OCEL1: variants seen among roughly 807,000 people sequenced by gnomAD.
OCEL1 encodes occludin/ELL domain containing 1.
In OCEL1, 24 loss-of-function variants were observed where a neutral mutation model predicts 29.4. That is an observed-to-expected ratio of 0.82 (90% confidence interval 0.59 to 1.15). The LOEUF (loss-of-function observed/expected upper bound fraction) is 1.15. Ranked by LOEUF, OCEL1 falls within the 50% of genes most tolerant of loss-of-function variation. The pLI is 0.00. For synonymous variants in OCEL1, 172 were observed against 145.3 expected (o/e 1.18, Z -1.32); for missense variants, 402 against 352.5 (o/e 1.14, Z -1.13).
At position 17,226,269 on chromosome 19, in the gene OCEL1, G is replaced by A; in HGVS notation, c.22G>A (p.Ala8Thr). Residue 8 changes from alanine to threonine, a missense_variant, in exon 1 of 6, where the codon GCC (alanine) becomes ACC (threonine). By Grantham distance (58) the Ala-to-Thr change is moderately conservative (BLOSUM62 0). Coordinates refer to ENST00000215061, the MANE Select transcript of OCEL1 (RefSeq NM_024578.3). Reference protein sequence around the residue: MHNPDGSASPTADPGSEL... With the variant: MHNPDGSTSPTADPGSEL... ...GTAAATGCACAACCCGGACGGAAGT[G>A]CCTCTCCGACAGCAGATCCAGGCTC... The A allele has an allele frequency of 1.9e-6, 3 of 1,612,234 alleles. No individual in the cohort carries two copies. Among genetic ancestry groups the A allele is most frequent in the Non-Finnish European group, 2.5e-6 (3 of 1,179,508 alleles).
rs370272692 is a variant in OCEL1, at chr19:17,227,877, C to T, written c.490C>T (p.Arg164Cys). The change falls in exon 4 of 6, where the codon CGC becomes TGC. Residue 164 changes from arginine to cysteine, a missense_variant. By Grantham distance (180) the Arg-to-Cys change is radical. Coordinates refer to ENST00000215061, the MANE Select transcript of OCEL1 (RefSeq NM_024578.3). ...PPVSSERERS[R>C]YVAVFQDQYG... is the part of the protein sequence containing the mutation. ...AGTGAGCAGTGAGAGGGAACGGAGC[C>T]GCTATGTCGCAGTGTTCCAGGACCA... 2.2e-5 allele frequency: 36 copies of T among 1,613,776 alleles called. No homozygotes were observed. In the African/African-American group the frequency reaches 3.7e-4, roughly 17 times the overall value.
Position 17,227,866 on chromosome 19 carries a change from G to A in OCEL1, c.479G>A (p.Arg160Lys). Reference protein sequence around the residue: ...ELKYPPVSSERERSRYVAVFQ... With the variant: ...ELKYPPVSSEKERSRYVAVFQ... ...AAGTACCCGCCAGTGAGCAGTGAGAGGGAACGGAGCCGCTATGTCGCAGTG... is the reference window on the plus strand; with the variant it reads ...AAGTACCCGCCAGTGAGCAGTGAGAAGGAACGGAGCCGCTATGTCGCAGTG... Residue 160 changes from arginine to lysine, a missense_variant, in exon 4 of 6, where the codon AGG becomes AAG. By Grantham distance (26) the Arg-to-Lys change is conservative. Coordinates refer to ENST00000215061, the MANE Select transcript of OCEL1 (RefSeq NM_024578.3). 3 of 1,613,930 alleles carry A rather than the reference G, an allele frequency of 1.9e-6. No individual in the cohort carries two copies. Among genetic ancestry groups the A allele is most frequent in the Non-Finnish European group, 2.5e-6 (3 of 1,180,012 alleles).
chr19:17,228,890 G>A lies in OCEL1; in HGVS notation c.760G>A (p.Asp254Asn), dbSNP rs116707975. 7.5e-5 allele frequency: 121 copies of A among 1,613,632 alleles called. 1 individual carries two copies. The African/African-American group carries it at 1.5e-3, about 20-fold the overall frequency. The change falls in exon 6 of 6, where the codon GAC becomes AAC. Residue 254 changes from aspartate (D) to asparagine (N), a missense_variant. By Grantham distance (23) the Asp-to-Asn change is conservative. Coordinates refer to ENST00000215061, the MANE Select transcript of OCEL1 (RefSeq NM_024578.3). ...HLKTQIQKFD[D>N]QGDSEGSVYF ...CAAGACTCAGATCCAGAAATTCGAT[G>A]ACCAAGGAGACAGCGAGGGCTCCGT... is the stretch of plus-strand genomic sequence containing the variant.
In OCEL1 at chr19:17,226,578, T is replaced by A. The variant is rs973072220; in HGVS notation, c.70-115T>A. ...GTGCGTCTATGCAAATAGCGGTCGT[T>A]CTGGGGAACTCTGCTCCCGCGGGGT... is the stretch of plus-strand genomic sequence containing the variant. On this transcript the variant is annotated intron_variant, in intron 1 of 5. Transcript: ENST00000215061. 5.9e-6 allele frequency: 7 copies of A among 1,189,034 alleles called. No individual in the cohort carries two copies. In the Admixed American group the frequency reaches 2.1e-4, roughly 35 times the overall value. The allele number at this position is 1,189,034 out of a possible 1,614,324, so 73.7% of individuals were successfully genotyped here.
chr19:17,228,978 T>C lies in OCEL1; in HGVS notation c.*53T>C. On this transcript the variant is annotated 3_prime_UTR_variant, in exon 6 of 6. Coordinates refer to ENST00000215061, the MANE Select transcript of OCEL1 (RefSeq NM_024578.3). ...CATGGGGATGCAGGTCCCTTGCATT[T>C]CTTGGTATCTCTCAGCTTTTCCTCT... The C allele has an allele frequency of 6.3e-7, 1 of 1,578,512 alleles. No homozygotes were observed. Among genetic ancestry groups the C allele is most frequent in the Non-Finnish European group, 8.6e-7 (1 of 1,161,278 alleles).
chr19:17,226,475 G>C (rs892210889), intron 1 of OCEL1, 159 bp downstream of exon 1: 3 of 971,656 alleles, frequency 3.1e-6, no homozygotes, highest in Non-Finnish European at 3.0e-6. Context: ...GCGCGGCGAC[G>C]TCAGAGTTCA....
chr19:17,226,849 C>G lies in OCEL1; in HGVS notation c.226C>G (p.Pro76Ala). Residue 76 changes from proline (P) to alanine (A), a missense_variant, in exon 2 of 6, where the codon CCG becomes GCG. Pro to Ala is a conservative substitution (Grantham distance 27). Coordinates refer to ENST00000215061, the MANE Select transcript of OCEL1 (RefSeq NM_024578.3). ...CTCCCGGGGGCACCTGCATACTCAC[C>G]CGCCTGGGCCTGGGCCCCCGGTGAG... is the stretch of plus-strand genomic sequence containing the variant. ...RGSRGHLHTH[P>A]PGPGPPLQGL... The G allele has an allele frequency of 6.5e-7, 1 of 1,547,578 alleles. No homozygotes were observed. Among genetic ancestry groups the G allele is most frequent in the South Asian group, 1.2e-5 (1 of 82,022 alleles).
chr19:17,226,753 T>G lies in OCEL1; in HGVS notation c.130T>G (p.Ser44Ala), dbSNP rs1414483637. The change falls in exon 2 of 6, where the codon TCA (serine) becomes GCA (alanine). Residue 44 changes from serine to alanine, a missense_variant. Transcript: ENST00000215061. Reference sequence around the variant, plus strand: ...CGACGCCCCCCGCAGGACCCGCCCATCAGCCCGGAAACCCCTGAGCTGCTT... The same window carrying G: ...CGACGCCCCCCGCAGGACCCGCCCAGCAGCCCGGAAACCCCTGAGCTGCTT... Reference protein sequence around the residue: ...GHDAPRRTRPSARKPLSCFSR... With the variant: ...GHDAPRRTRPAARKPLSCFSR... 5.1e-6 allele frequency: 8 copies of G among 1,578,548 alleles called. No homozygotes were observed. Among genetic ancestry groups the G allele is most frequent in the Middle Eastern group, 3.8e-4 (2 of 5,292 alleles).
At chr19:17,228,062 C>T in intron 4 of OCEL1, 57 bp downstream of exon 4, 1 of 1,588,064 alleles carries the variant, frequency 6.3e-7, no homozygotes, top group South Asian at 1.1e-5. Context: ...CCGACCCAAG[C>T]CTCTGGGACA....
At chr19:17,227,274 A>C in intron 3 of OCEL1, 75 bp downstream of exon 3, 1 of 1,316,948 alleles carries the variant, frequency 7.6e-7, no homozygotes, top group Non-Finnish European at 1.0e-6. Flanking sequence ...TGATAGTTGA[A>C]TAAGAGTTTA....
chr19:17,228,251 T>C lies in OCEL1; in HGVS notation c.619-5T>C, dbSNP rs751503942. 4 of 1,614,044 alleles carry C rather than the reference T, an allele frequency of 2.5e-6. No individual in the cohort carries two copies. The highest frequency in any genetic ancestry group is 3.4e-6 in the Non-Finnish European group (4 of 1,180,004). On this transcript the variant is annotated splice_polypyrimidine_tract_variant and splice_region_variant and intron_variant, in intron 4 of 5. Coordinates refer to ENST00000215061, the MANE Select transcript of OCEL1 (RefSeq NM_024578.3). ...TAAACCCCCTTTCTACTCCTCCCCT[T>C]GCAGAAGGAGGCCCAAGTTGCAGCC...
intron 4 of OCEL1, 22 bp from the exon 5 acceptor site, chr19:17,228,234 C>G: frequency 1.2e-6 from 2 of 1,613,944 alleles, no homozygotes; most frequent in African/African-American, 1.3e-5. Context: ...CCTAAACCCC[C>G]TTTCTACTCC....
Position 17,228,853 on chromosome 19 carries a change from A to G in OCEL1, c.723A>G (p.Lys241=), listed in dbSNP as rs755123329. The G allele has an allele frequency of 2.2e-5, 35 of 1,613,798 alleles. No homozygotes were observed. Among genetic ancestry groups the G allele is most frequent in the Non-Finnish European group, 2.8e-5 (33 of 1,179,950 alleles). Residue 241 remains lysine (K), a synonymous_variant, in exon 6 of 6, where the codon AAA becomes AAG. Coordinates refer to ENST00000215061, the MANE Select transcript of OCEL1 (RefSeq NM_024578.3). The part of the protein sequence containing the change: ...KQARCHYLKG[K]LRHLKTQIQK... ...CTCGCTGCCACTACCTGAAGGGTAA[A>G]CTGAGGCATCTCAAGACTCAGATCC... is the stretch of plus-strand genomic sequence containing the variant.
At position 17,228,941 on chromosome 19, in the gene OCEL1, G is replaced by A. The variant is rs954810077; in HGVS notation, c.*16G>A. 2 of 1,608,864 alleles carry A rather than the reference G, an allele frequency of 1.2e-6. No individual in the cohort carries two copies. The highest frequency in any genetic ancestry group is 2.7e-5 in the African/African-American group (2 of 74,842). On this transcript the variant is annotated 3_prime_UTR_variant, in exon 6 of 6. Transcript: ENST00000215061. The stretch of plus-strand genomic sequence containing the variant: ...GTACTTCTAAGTGCCCCTGCAGATG[G>A]GCAGAGGGATGCATGGGGATGCAGG...
Position 17,226,293 on chromosome 19 carries a change from T to C in OCEL1, c.46T>C (p.Ser16Pro), listed in dbSNP as rs1218606080. ...GSASPTADPG[S>P]ELQTLGQAAR... ...TGCCTCTCCGACAGCAGATCCAGGC[T>C]CGGAGCTCCAGACGCTGGGACAGGT... Residue 16 changes from serine to proline, a missense_variant, in exon 1 of 6, where the codon TCG (serine) becomes CCG (proline). By Grantham distance (74) the Ser-to-Pro change is moderately conservative. Transcript: ENST00000215061. 2 of 1,612,212 alleles carry C rather than the reference T, an allele frequency of 1.2e-6. No individual in the cohort carries two copies. The highest frequency in any genetic ancestry group is 1.7e-6 in the Non-Finnish European group (2 of 1,179,562).
chr19:17,227,703 T>C, intron 3 of OCEL1, 137 bp from the exon 4 acceptor site: 2 of 783,126 alleles, frequency 2.6e-6, no homozygotes, highest in Non-Finnish European at 3.9e-6. Context: ...AAAATAATAA[T>C]AAATAAATTA....
intron 1 of OCEL1, 144 bp downstream of exon 1, chr19:17,226,460 A>T: frequency 1.9e-6 from 2 of 1,058,664 alleles, no homozygotes; most frequent in Non-Finnish European, 2.7e-6. Context: ...AGCCGGTCCC[A>T]GGCTGCGCGG....
Position 17,227,993 on chromosome 19 carries a change from A to AC in OCEL1, c.610dup (p.Gln204ProfsTer17). The stretch of plus-strand genomic sequence containing the variant: ...AGGCCCTGCTGAGCTCCCTGCCCCC[A>AC]CCCCAAAGCCAGGTCAGCACTAGGG... On this transcript the variant is annotated frameshift_variant, in exon 4 of 6. Transcript: ENST00000215061. LOFTEE classifies it high-confidence loss of function. The AC allele has an allele frequency of 3.1e-6, 5 of 1,611,634 alleles. No individual in the cohort carries two copies. Among genetic ancestry groups the AC allele is most frequent in the Non-Finnish European group, 4.2e-6 (5 of 1,179,862 alleles).
chr19:17,226,410 C>T, intron 1 of OCEL1, 94 bp downstream of exon 1: 4 of 1,448,300 alleles, frequency 2.8e-6, no homozygotes, highest in South Asian at 1.2e-5. Flanking sequence ...GCTCTGCGCG[C>T]CCTGGAGGTC....
Sources: gnomAD v4.1 joint callset for allele counts on GRCh38, gnomAD v4.1.1 for gene constraint, MANE v1.5 for transcripts, NCBI Gene and HGNC (gene_info 2026-07-23, HGNC 2026-07-21) for gene names.